The following GSE1 variants were observed in gnomAD, a reference collection of about 807,000 sequenced individuals.
GSE1 encodes the protein genetic suppressor element 1.
In GSE1, 32 loss-of-function variants were observed where a neutral mutation model predicts 112.6. The ratio of observed to expected loss-of-function variants is 0.28; its 90% CI spans 0.21 to 0.38. GSE1 has a LOEUF of 0.38. GSE1 is among the 10% of genes least tolerant of loss of function. The probability of loss-of-function intolerance (pLI) is 1.00; values close to 1 mark genes in which losing one functional copy is unlikely to be tolerated. For missense variants in GSE1, 2,348 were observed against 1,699.2 expected (o/e 1.38, Z -6.71); for synonymous variants, 1,115 against 735.6 (o/e 1.52, Z -8.35).
chr16:85,233,658 G>A (rs1043787828), intron 1 of GSE1, among the ~76,000 whole-genome samples: 5 of 152,116 alleles, frequency 3.3e-5, no homozygotes, highest in Non-Finnish European at 5.9e-5. Context: ...GGGGGTGTGC[G>A]TGTGGATGGG....
intron 2 of GSE1, among the ~76,000 whole-genome samples, chr16:85,420,225 T>G (rs1014512413): frequency 2.0e-5 from 3 of 152,102 alleles, no homozygotes; most frequent in Non-Finnish European, 4.4e-5. Flanking sequence ...CATTTCTTTT[T>G]GTGTGCTTTT....
chr16:85,263,764 G>C (rs1014768105), intron 1 of GSE1, among the ~76,000 whole-genome samples: 2 of 152,112 alleles, frequency 1.3e-5, no homozygotes, highest in Non-Finnish European at 2.9e-5. Context: ...GTAGAGACAG[G>C]GTTTCACCAT....
At chr16:85,664,173 A>C (rs891650554) in intron 11 of GSE1, among the ~76,000 whole-genome samples, 1 of 152,232 alleles carries the variant, frequency 6.6e-6, no homozygotes, top group Non-Finnish European at 1.5e-5. Context: ...CGCAGCCACA[A>C]CACCTGCTCA....
intron 12 of GSE1, among the ~76,000 whole-genome samples, chr16:85,665,595 T>TACA (rs10650779): frequency 0.37 from 56,744 of 151,924 alleles, 12,217 homozygotes; most frequent in East Asian, 0.7. Flanking sequence ...TTCCTCCTCT[T>TACA]ACAGTTCTGG....
intron 2 of GSE1, among the ~76,000 whole-genome samples, chr16:85,518,429 A>G (rs2052027255): frequency 6.6e-6 from 1 of 152,050 alleles, no homozygotes; most frequent in African/African-American, 2.4e-5. Flanking sequence ...CAGGGATGCA[A>G]CTGTGTGTGT....
chr16:85,263,410 C>T (rs1244781295), intron 1 of GSE1, among the ~76,000 whole-genome samples: 1 of 152,148 alleles, frequency 6.6e-6, no homozygotes, highest in Non-Finnish European at 1.5e-5. Flanking sequence ...ATCTGCGTCT[C>T]TAACAAGTTT....
intron 2 of GSE1, among the ~76,000 whole-genome samples, chr16:85,403,996 C>T (rs2151678787): frequency 7.3e-6 from 1 of 137,930 alleles, no homozygotes; most frequent in Non-Finnish European, 1.6e-5. Flanking sequence ...CAGGCATCTT[C>T]ACCTCCCTCT....
At chr16:85,647,368 T>TG (rs1052526808) in intron 2 of GSE1, among the ~76,000 whole-genome samples, 22 of 152,188 alleles carry the variant, frequency 1.4e-4, no homozygotes, top group African/African-American at 5.3e-4. Context: ...GGGTAGGTCG[T>TG]GGTGGTGGTT....
intron 1 of GSE1, among the ~76,000 whole-genome samples, chr16:85,203,979 G>C (rs2075073373): frequency 6.6e-6 from 1 of 152,066 alleles, no homozygotes; most frequent in East Asian, 1.9e-4. Context: ...CTATGTTGCT[G>C]GTCTCAAACT....
chr16:85,260,971 C>T (rs542788144), intron 1 of GSE1, among the ~76,000 whole-genome samples: 4 of 152,210 alleles, frequency 2.6e-5, no homozygotes, highest in Non-Finnish European at 5.9e-5. Flanking sequence ...TGGAAAGGCC[C>T]GGCCTGGCAT....
upstream of GSE1, among the ~76,000 whole-genome samples, chr16:85,611,699 G>A (rs116818028): frequency 1.2e-3 from 190 of 152,260 alleles, 1 homozygote; most frequent in African/African-American, 4.1e-3. Flanking sequence ...GGGCCTGAGG[G>A]AGCCCGCCAG....
rs145812086 is a variant in GSE1 at position 85,421,740 on chromosome 16, G to A, written c.2464+64097G>A. 4.0e-4 allele frequency among the ~76,000 whole-genome samples: 61 copies of A among 152,222 alleles called. 1 individual carries two copies. Among genetic ancestry groups the A allele is most frequent in the African/African-American group, 6.7e-4 (28 of 41,542 alleles). ...GGGGAACCAAGGGCTGGTGGCTTCCGGTCGTCCTGGGTGGAGGCTTAGGGC... is the reference window on the plus strand; with the variant it reads ...GGGGAACCAAGGGCTGGTGGCTTCCAGTCGTCCTGGGTGGAGGCTTAGGGC... On this transcript the variant is annotated intron_variant, in intron 2 of 2. Coordinates refer to the GSE1 transcript ENST00000637419.
chr16:85,672,507 C>T lies in GSE1; in HGVS notation c.3622C>T (p.Pro1208Ser). ...CCTTGCCTTGCCTGCAATGCACTGG[C>T]CTAGGGGCTACCTGAAGGGATATCC... ...KCLALPAMHW[P>S]RGYLKGYPR Residue 1208 changes from proline to serine, a missense_variant, in exon 16 of 16, where the codon CCT becomes TCT. Transcript: ENST00000253458. The T allele has an allele frequency of 6.2e-7, 1 of 1,611,578 alleles. No homozygotes were observed. Among genetic ancestry groups the T allele is most frequent in the South Asian group, 1.1e-5 (1 of 90,924 alleles).
rs755865916 is a variant in GSE1 at position 85,547,878 on chromosome 16, C to CAAA, written c.2465-86019_2465-86017dup. On this transcript the variant is annotated intron_variant, in intron 2 of 2. Transcript: ENST00000637419. ...TGGGTGACAGAATGAGTCTCTGTCT[C>CAAA]AAAAAAAAAAAAAAAAAAATCAGTG... 7.6e-3 allele frequency among the ~76,000 whole-genome samples: 700 copies of CAAA among 92,202 alleles called. 6 individuals carry two copies. The highest frequency in any genetic ancestry group is 0.016 in the African/African-American group (376 of 23,296). 60.5% of individuals were successfully genotyped at this position (92,202 alleles called of 152,430 possible).
At chr16:85,336,803 C>A (rs754289480) in intron 1 of GSE1, among the ~76,000 whole-genome samples, 1 of 152,182 alleles carries the variant, frequency 6.6e-6, no homozygotes, top group Non-Finnish European at 1.5e-5. Flanking sequence ...TATGCATGCT[C>A]ACACACAAGG....
intron 1 of GSE1, among the ~76,000 whole-genome samples, chr16:85,199,553 G>C (rs534073122): frequency 6.6e-6 from 1 of 152,184 alleles, no homozygotes; most frequent in African/African-American, 2.4e-5. Context: ...GCTTAGCTGC[G>C]AAAAGAGACA....
intron 1 of GSE1, among the ~76,000 whole-genome samples, chr16:85,212,157 G>A (rs1464562594): frequency 6.6e-6 from 1 of 152,214 alleles, no homozygotes; most frequent in Non-Finnish European, 1.5e-5. Flanking sequence ...TGGAATCCCA[G>A]CATTTTGGGA....
At chr16:85,274,987 C>T (rs1030052465) in intron 1 of GSE1, among the ~76,000 whole-genome samples, 4 of 152,228 alleles carry the variant, frequency 2.6e-5, no homozygotes, top group East Asian at 1.9e-4. Flanking sequence ...AGCCTTGAGG[C>T]TCAAAGCGTT....
At chr16:85,333,169 G>A (rs182355540) in intron 1 of GSE1, among the ~76,000 whole-genome samples, 75 of 152,298 alleles carry the variant, frequency 4.9e-4, no homozygotes, top group African/African-American at 1.7e-3. Flanking sequence ...CAGGCCCAGC[G>A]TCTGTAGGGC....
Sources: gnomAD v4.1 joint callset for allele counts (sites outside exome capture counted in the v4.1 genomes callset) on GRCh38, gnomAD v4.1.1 for gene constraint, MANE v1.5 for transcripts, NCBI Gene and HGNC (gene_info 2026-07-23, HGNC 2026-07-21) for gene names.